The following PDE4D variants were observed in gnomAD, a reference collection of about 807,000 sequenced individuals.
PDE4D encodes the protein phosphodiesterase 4D, also known as 3',5'-cyclic-AMP phosphodiesterase 4D.
A neutral mutation model predicts 87.4 loss-of-function variants in PDE4D; 24 were observed. The ratio of observed to expected loss-of-function variants is 0.27; its 90% CI spans 0.20 to 0.39. The LOEUF (loss-of-function observed/expected upper bound fraction) is 0.39, where lower values mean the gene tolerates loss of function less well. Ranked by LOEUF, PDE4D falls within the 10% of genes least tolerant of loss-of-function variation. The pLI is 1.00. For missense variants in PDE4D, 714 were observed against 1,041.0 expected, an observed-to-expected ratio of 0.69 and a Z score of 4.32; for synonymous variants, 384 against 383.2, an observed-to-expected ratio of 1.00 and a Z score of -0.02.
At chr5:59,186,580 AT>A (rs973320051) in intron 3 of PDE4D, among the ~76,000 whole-genome samples, 5 of 151,988 alleles carry the variant, frequency 3.3e-5, no homozygotes, top group Admixed American at 6.6e-5. Flanking sequence ...AATCAGTCTA[AT>A]TTTTTTTCTA....
intron 1 of PDE4D, among the ~76,000 whole-genome samples, chr5:59,607,909 T>TCTTTC (rs1374182393): frequency 1.3e-5 from 2 of 152,252 alleles, no homozygotes; most frequent in Admixed American, 6.5e-5. Flanking sequence ...AGGATTTCCA[T>TCTTTC]AGATAAGGCT....
At chr5:59,483,774 G>A (rs1804651508) in intron 1 of PDE4D, among the ~76,000 whole-genome samples, 1 of 152,102 alleles carries the variant, frequency 6.6e-6, no homozygotes, top group Admixed American at 6.6e-5. Flanking sequence ...GGCAACAGTG[G>A]CCTCTATCCA....
At chr5:60,055,673 C>A (rs186727407) in intron 2 of PDE4D, among the ~76,000 whole-genome samples, 46 of 152,144 alleles carry the variant, frequency 3.0e-4, no homozygotes, top group Admixed American at 1.2e-3. Context: ...TGAAACTTAT[C>A]CAATAAGACA....
chr5:59,905,542 C>T (rs182119095), intron 3 of PDE4D, among the ~76,000 whole-genome samples: 5 of 152,164 alleles, frequency 3.3e-5, no homozygotes, highest in African/African-American at 9.6e-5. Flanking sequence ...CCTGAGTTTC[C>T]GTTTCAGCTC....
intron 6 of PDE4D, among the ~76,000 whole-genome samples, chr5:59,006,727 T>C (rs1011288651): frequency 3.3e-5 from 5 of 152,218 alleles, no homozygotes; most frequent in Non-Finnish European, 5.9e-5. Flanking sequence ...CAATTAACAA[T>C]CTTTTTGAAC....
rs147526719 is a variant in PDE4D at position 59,658,086 on chromosome 5, T to A, written c.455+235082A>T. ...CTTAAGGTGAAGCTTAATAAACGCA[T>A]ATTAAGTAGAAAGCAACGTAAAAAA... On this transcript the variant is annotated intron_variant, in intron 1 of 14. Transcript: ENST00000340635. Among the ~76,000 whole-genome samples, 159 of 152,168 alleles carry A rather than the reference T, an allele frequency of 1.0e-3. 1 individual carries two copies. The highest frequency in any genetic ancestry group is 3.7e-3 in the African/African-American group (153 of 41,426).
intron 1 of PDE4D, among the ~76,000 whole-genome samples, chr5:59,590,251 A>G (rs991185675): frequency 3.9e-5 from 6 of 152,220 alleles, no homozygotes; most frequent in African/African-American, 1.4e-4. Flanking sequence ...CCTTCAAGAA[A>G]CAACAGTTAG....
intron 1 of PDE4D, among the ~76,000 whole-genome samples, chr5:59,882,552 T>A (rs1749577051): frequency 6.6e-6 from 1 of 152,214 alleles, no homozygotes; most frequent in Non-Finnish European, 1.5e-5. Flanking sequence ...GAGTAAATTA[T>A]TCTAAAACAT....
chr5:59,492,356 G>A (rs1806377847), intron 1 of PDE4D, among the ~76,000 whole-genome samples: 1 of 152,170 alleles, frequency 6.6e-6, no homozygotes, highest in Admixed American at 6.5e-5. Flanking sequence ...AATGCTGTCT[G>A]ATTAGGGAGA....
chr5:59,303,445 T>C (rs1317136625), intron 1 of PDE4D, among the ~76,000 whole-genome samples: 2 of 152,188 alleles, frequency 1.3e-5, no homozygotes, highest in East Asian at 1.9e-4. Context: ...TTTTGGGTTC[T>C]TGGTCATGAA....
At chr5:60,422,211 T>C (rs996221312) in intron 1 of PDE4D, among the ~76,000 whole-genome samples, 2 of 152,058 alleles carry the variant, frequency 1.3e-5, no homozygotes, top group Non-Finnish European at 2.9e-5. Context: ...AAGATACTCC[T>C]CAAGAAGAGC....
intron 1 of PDE4D, among the ~76,000 whole-genome samples, chr5:59,326,820 A>G (rs1248550075): frequency 6.6e-6 from 1 of 152,146 alleles, no homozygotes; most frequent in African/African-American, 2.4e-5. Context: ...TTCATCTTTA[A>G]AGTAAAAGGG....
chr5:58,994,668 T>C (rs1264355561), intron 6 of PDE4D, among the ~76,000 whole-genome samples: 5 of 152,202 alleles, frequency 3.3e-5, no homozygotes, highest in African/African-American at 1.2e-4. Context: ...TTTGCTTCTC[T>C]GCATAATTCA....
rs999250922 is a variant in PDE4D at position 59,430,442 on chromosome 5, A to G, written c.456-214474T>C. 19 of 1,230,744 alleles carry G rather than the reference A, an allele frequency of 1.5e-5. No individual in the cohort carries two copies. The African/African-American group carries it at 2.5e-4, about 16-fold the overall frequency. The allele number at this position is 1,230,744 out of a possible 1,614,324, so 76.2% of individuals were successfully genotyped here. ...ATTATATCCAAAAGGCAAGAAGTAA[A>G]AGCAAATCTGAGTAGTCAGACCAGC... On this transcript the variant is annotated intron_variant, in intron 1 of 14. Coordinates refer to ENST00000340635, the MANE Select transcript of PDE4D (RefSeq NM_001104631.2).
rs189846297 is a variant in PDE4D at position 59,916,362 on chromosome 5, A to C, written c.272+72126T>G. Among the ~76,000 whole-genome samples the C allele has an allele frequency of 7.9e-5, 12 of 152,350 alleles. No individual in the cohort carries two copies. In the East Asian group the frequency reaches 2.3e-3, roughly 29 times the overall value. ...AGCTACTCTGCCCTTGACATATTTT[A>C]ACCAGTAGCTTTATTAATGTGAGAA... On this transcript the variant is annotated intron_variant, in intron 3 of 16. Transcript: ENST00000502484.
chr5:59,090,282 T>G (rs1768454903), intron 5 of PDE4D, among the ~76,000 whole-genome samples: 1 of 152,194 alleles, frequency 6.6e-6, no homozygotes, highest in Non-Finnish European at 1.5e-5. Flanking sequence ...ATACACCTCA[T>G]GTTTCACGCA....
intron 1 of PDE4D, among the ~76,000 whole-genome samples, chr5:59,765,121 C>T (rs1762625708): frequency 1.3e-5 from 2 of 152,148 alleles, no homozygotes; most frequent in African/African-American, 2.4e-5. Context: ...TACTCCAAGC[C>T]ACTTGCCTTA....
At chr5:60,508,082 G>C (rs1366854357) in intron 1 of PDE4D, among the ~76,000 whole-genome samples, 1 of 152,166 alleles carries the variant, frequency 6.6e-6, no homozygotes, top group African/African-American at 2.4e-5. Context: ...CACATACTGG[G>C]CCTGTAGGAT....
chr5:59,123,372 C>G (rs1348203924), intron 5 of PDE4D, among the ~76,000 whole-genome samples: 1 of 152,130 alleles, frequency 6.6e-6, no homozygotes, highest in Non-Finnish European at 1.5e-5. Flanking sequence ...CTTCCTTTTT[C>G]TGCCCATTCT....
Sources: allele counts gnomAD v4.1 joint callset (sites outside exome capture counted in the v4.1 genomes callset), GRCh38; gene constraint gnomAD v4.1.1; transcripts MANE v1.5; gene names NCBI Gene and HGNC (gene_info 2026-07-23, HGNC 2026-07-21).